The following METTL3 variants were observed in gnomAD, a reference collection of about 807,000 sequenced individuals.
METTL3 encodes N(6)-adenosine-methyltransferase catalytic subunit METTL3.
A neutral mutation model predicts 64.3 loss-of-function variants in METTL3; 42 were observed. That is an observed-to-expected ratio of 0.65 (90% CI 0.51 to 0.84). The LOEUF (loss-of-function observed/expected upper bound fraction) is 0.84, where lower values mean the gene tolerates loss of function less well. METTL3 is among the 40% of genes least tolerant of loss of function. METTL3 has a pLI of 0.00. For synonymous variants in METTL3, 256 were observed against 263.6 expected (o/e 0.97, Z 0.28); for missense variants, 435 against 722.3 (o/e 0.60, Z 4.56).
rs1594439969 is a variant in METTL3 at position 21,501,627 on chromosome 14, AAAT to A, written c.899+98_899+100del. 2.7e-6 allele frequency: 4 copies of A among 1,469,998 alleles called. No homozygotes were observed. The East Asian group carries it at 9.3e-5, about 34-fold the overall frequency. 91.1% of individuals were successfully genotyped at this position (1,469,998 alleles called of 1,614,324 possible). A position where few individuals can be genotyped will look rare whatever the true frequency, so the allele number is the denominator to read the frequency against. Reference sequence around the variant, plus strand: ...GGAGGACTTACACAAACCATAAACTAAATAAGATTACAGACAGAACCCCAATGA... The same window carrying A: ...GGAGGACTTACACAAACCATAAACTAAAGATTACAGACAGAACCCCAATGA... On this transcript the variant is annotated intron_variant, in intron 4 of 10. Coordinates refer to ENST00000298717, the MANE Select transcript of METTL3 (RefSeq NM_019852.5).
At chr14:21,502,011 A>ATT in intron 3 of METTL3, 108 bp from the exon 4 acceptor site, 2 of 725,564 alleles carry the variant, frequency 2.8e-6, no homozygotes, top group African/African-American at 2.5e-5. Flanking sequence ...AGATAAATCA[A>ATT]CTTTTTTTTT....
Position 21,503,686 on chromosome 14 carries a change from G to A in METTL3, c.296C>T (p.Ser99Phe), listed in dbSNP as rs1003797027. Residue 99 changes from serine to phenylalanine, a missense_variant, in exon 2 of 11, where the codon TCC becomes TTC. Around this residue, in one of 9 missense-constraint regions of METTL3, gnomAD observed 228 missense variants for 279.6 expected, o/e 0.82. Coordinates refer to ENST00000298717, the MANE Select transcript of METTL3 (RefSeq NM_019852.5). ...TACCGTGGAGATGGCAAGACAGATGGACACAGCATCAGTGGGCAATGTTAA... is the reference window on the plus strand; with the variant it reads ...TACCGTGGAGATGGCAAGACAGATGAACACAGCATCAGTGGGCAATGTTAA... ...LALTLPTDAVSICLAISTPDA... is the reference protein window; with the variant it reads ...LALTLPTDAVFICLAISTPDA... 3 of 1,614,170 alleles carry A rather than the reference G, an allele frequency of 1.9e-6. No homozygotes were observed. The highest frequency in any genetic ancestry group is 1.7e-6 in the Non-Finnish European group (2 of 1,180,012).
At chr14:21,508,261 CT>C (rs1409367349) in intron 1 of METTL3, 1 of 151,724 alleles carries the variant, frequency 6.6e-6, no homozygotes, top group Non-Finnish European at 1.5e-5. Flanking sequence ...AGATTCTTAT[CT>C]TACACACACA....
chr14:21,498,941 A>T (rs1435422696), intron 10 of METTL3, 84 bp downstream of exon 10: 1 of 932,898 alleles, frequency 1.1e-6, no homozygotes, highest in Non-Finnish European at 1.7e-6. Flanking sequence ...GACTAGTGTA[A>T]AACAATGTGA....
intron 3 of METTL3, chr14:21,502,496 C>G (rs74034929): frequency 0.045 from 6,873 of 153,808 alleles, 525 homozygotes; most frequent in African/African-American, 0.16. Context: ...ATTCCTTCTA[C>G]AAAAAACATA....
rs571760146 is a variant in METTL3, at chr14:21,499,624, G to A, written c.1344-24C>T. The A allele has an allele frequency of 2.5e-6, 4 of 1,607,804 alleles. No homozygotes were observed. The South Asian group carries it at 4.4e-5, about 18-fold the overall frequency. On this transcript the variant is annotated intron_variant, in intron 7 of 10. Coordinates refer to ENST00000298717, the MANE Select transcript of METTL3 (RefSeq NM_019852.5). Reference sequence around the variant, plus strand: ...ACCTGTGGGGCATAAAAAAGAACTAGAATTTTAGCCAAACTTTTACAGTTT... The same window carrying A: ...ACCTGTGGGGCATAAAAAAGAACTAAAATTTTAGCCAAACTTTTACAGTTT...
chr14:21,501,534 A>ATC, intron 4 of METTL3, 194 bp downstream of exon 4: 1 of 688,714 alleles, frequency 1.5e-6, no homozygotes, highest in Non-Finnish European at 2.4e-6. Flanking sequence ...AAAAAATCTC[A>ATC]GTTATTTGGG....
chr14:21,504,251 A>G (rs1394269259), intron 1 of METTL3: 4 of 212,580 alleles, frequency 1.9e-5, no homozygotes, highest in Non-Finnish European at 2.9e-5. Flanking sequence ...CTGGGATCCA[A>G]TATTCTTTTT....
intron 1 of METTL3, among the ~76,000 whole-genome samples, chr14:21,510,063 C>A (rs1403508190): frequency 5.3e-5 from 8 of 152,206 alleles, no homozygotes; most frequent in Non-Finnish European, 1.2e-4. Flanking sequence ...TGTTACTTCT[C>A]TTCATTGTAC....
intron 1 of METTL3, among the ~76,000 whole-genome samples, chr14:21,507,363 T>TA (rs1444674886): frequency 6.6e-6 from 1 of 151,984 alleles, no homozygotes; most frequent in Non-Finnish European, 1.5e-5. Flanking sequence ...AGTAATGCTG[T>TA]AAAAAACAAG....
At position 21,501,321 on chromosome 14, in the gene METTL3, T is replaced by C. The variant is rs551210352; in HGVS notation, c.900-192A>G. On this transcript the variant is annotated intron_variant, in intron 4 of 10. Coordinates refer to ENST00000298717, the MANE Select transcript of METTL3 (RefSeq NM_019852.5). Reference sequence around the variant, plus strand: ...CATACTACAGAACAATTGTAATTCCTCTCTGAGTAAAGACTTGGTTTCCTG... The same window carrying C: ...CATACTACAGAACAATTGTAATTCCCCTCTGAGTAAAGACTTGGTTTCCTG... 1.1e-3 allele frequency: 680 copies of C among 592,810 alleles called. 6 individuals carry two copies. The highest frequency in any genetic ancestry group is 8.9e-3 in the South Asian group (424 of 47,450). 36.7% of individuals were successfully genotyped at this position (592,810 alleles called of 1,614,324 possible).
rs1453545589 is a variant in METTL3 at position 21,504,040 on chromosome 14, A to G, written c.101-159T>C. ...CACTAGATTACCTATCCTCAATCAT[A>G]CTAAAACATTCACTGCTTTGTCAAG... is the stretch of plus-strand genomic sequence containing the variant. On this transcript the variant is annotated intron_variant, in intron 1 of 10. Transcript: ENST00000298717. The G allele has an allele frequency of 2.2e-5, 14 of 626,116 alleles. No homozygotes were observed. In the South Asian group the frequency reaches 2.4e-4, roughly 11 times the overall value. 38.8% of individuals were successfully genotyped at this position (626,116 alleles called of 1,614,324 possible). A position where few individuals can be genotyped will look rare whatever the true frequency, so the allele number is the denominator to read the frequency against.
intron 1 of METTL3, chr14:21,508,333 A>G (rs1333441740): frequency 1.3e-5 from 2 of 152,144 alleles, no homozygotes; most frequent in Non-Finnish European, 2.9e-5. Context: ...AGAGATATTC[A>G]CATCTAAAAA....
At chr14:21,507,919 G>C (rs1034235993) in intron 1 of METTL3, 1 of 151,918 alleles carries the variant, frequency 6.6e-6, no homozygotes, top group Non-Finnish European at 1.5e-5. Flanking sequence ...TCAAGCTCTC[G>C]GTCAGAAGAC....
chr14:21,505,223 T>C (rs1464740555), intron 1 of METTL3, among the ~76,000 whole-genome samples: 1 of 152,200 alleles, frequency 6.6e-6, no homozygotes, highest in Admixed American at 6.5e-5. Flanking sequence ...GTGGGAGGAT[T>C]CCACTCTCAC....
At chr14:21,505,650 T>C (rs1011447635) in intron 1 of METTL3, among the ~76,000 whole-genome samples, 9 of 152,224 alleles carry the variant, frequency 5.9e-5, no homozygotes. Context: ...CAAAGTTTTG[T>C]ATGTATACAG....
intron 9 of METTL3, 30 bp from the exon 10 acceptor site, chr14:21,499,167 G>A (rs1203199808): frequency 6.3e-7 from 1 of 1,595,230 alleles, no homozygotes; most frequent in Non-Finnish European, 8.6e-7. Flanking sequence ...TGCTTTTTAA[G>A]TTACACAAGA....
At position 21,503,411 on chromosome 14, in the gene METTL3, T is replaced by C. The variant is rs1293542114; in HGVS notation, c.485A>G (p.Glu162Gly). The change falls in exon 3 of 11, where the codon GAA becomes GGA. Residue 162 changes from glutamate to glycine, a missense_variant. This residue lies in a region of METTL3 where 228 missense variants were observed against 279.6 expected (regional missense o/e 0.82). Transcript: ENST00000298717. Reference protein sequence around the residue: ...KLSAMMGAVAEKKGPGEVAGT... With the variant: ...KLSAMMGAVAGKKGPGEVAGT... ...TGCTACCTCCCCAGGGCCCTTCTTT[T>C]CTGCCACAGCACCCATCATGGCAGA... 1 of 1,614,054 alleles carries C rather than the reference T, an allele frequency of 6.2e-7. No individual in the cohort carries two copies. Among genetic ancestry groups the C allele is most frequent in the African/African-American group, 1.3e-5 (1 of 74,922 alleles).
intron 6 of METTL3, among the ~76,000 whole-genome samples, chr14:21,500,290 G>A (rs1891527745): frequency 2.0e-5 from 3 of 152,034 alleles, no homozygotes; most frequent in African/African-American, 7.3e-5. Flanking sequence ...CTTGAACCTG[G>A]GAGGTGGAGG....
Sources: allele counts gnomAD v4.1 joint callset (sites outside exome capture counted in the v4.1 genomes callset), GRCh38; gene constraint gnomAD v4.1.1; regional missense constraint gnomAD v4.1.1; transcripts MANE v1.5; gene names NCBI Gene and HGNC (gene_info 2026-07-23, HGNC 2026-07-21).